Variants in MYCBP2 observed in about 807,000 individuals in gnomAD.
MYCBP2 encodes the protein MYC binding protein 2, also known as E3 ubiquitin-protein ligase MYCBP2.
A neutral mutation model predicts 525.3 loss-of-function variants in MYCBP2; 120 were observed. The ratio of observed to expected loss-of-function variants is 0.23; its 90% confidence interval spans 0.20 to 0.27. The LOEUF (loss-of-function observed/expected upper bound fraction) is 0.27, where lower values mean the gene tolerates loss of function less well. MYCBP2 is among the 10% of genes least tolerant of loss of function. The probability of loss-of-function intolerance (pLI) is 1.00; values close to 1 mark genes in which losing one functional copy is unlikely to be tolerated. For synonymous variants in MYCBP2, 1,894 were observed against 1,955.8 expected (o/e 0.97, Z 0.83); for missense variants, 4,149 against 5,657.1 (o/e 0.73, Z 8.55).
intron 52 of MYCBP2, among the ~76,000 whole-genome samples, chr13:77,137,712 C>G (rs1236844064): frequency 6.6e-6 from 1 of 152,132 alleles, no homozygotes; most frequent in Non-Finnish European, 1.5e-5. Context: ...CTTCAGCCTC[C>G]AGAGTAGCTA....
At chr13:77,268,522 G>A (rs1341409546) in intron 7 of MYCBP2, among the ~76,000 whole-genome samples, 3 of 152,178 alleles carry the variant, frequency 2.0e-5, no homozygotes, top group African/African-American at 7.2e-5. Flanking sequence ...GCTCACGCCT[G>A]TAATCCCAGC....
intron 17 of MYCBP2, among the ~76,000 whole-genome samples, chr13:77,239,334 A>G (rs146899884): frequency 6.6e-5 from 10 of 152,342 alleles, no homozygotes; most frequent in Admixed American, 6.5e-4. Context: ...TCAACAGGCC[A>G]AAGAAATAAA....
At chr13:77,217,304 C>A (rs1340354379) in intron 21 of MYCBP2, among the ~76,000 whole-genome samples, 2 of 152,082 alleles carry the variant, frequency 1.3e-5, no homozygotes, top group Non-Finnish European at 2.9e-5. Context: ...CCAAACTACA[C>A]AAAATTCTTA....
At chr13:77,139,474 G>A in intron 51 of MYCBP2, 138 bp from the exon 52 acceptor site, 1 of 883,008 alleles carries the variant, frequency 1.1e-6, no homozygotes, top group Non-Finnish European at 1.7e-6. Flanking sequence ...AAGTAAGTCT[G>A]AGAGACCCTC....
chr13:77,100,984 G>C (rs1735257755), intron 55 of MYCBP2, among the ~76,000 whole-genome samples: 1 of 152,034 alleles, frequency 6.6e-6, no homozygotes, highest in Non-Finnish European at 1.5e-5. Flanking sequence ...TACTGACCTA[G>C]TAACAGCATA....
chr13:77,249,719 C>T (rs73223421), intron 15 of MYCBP2, among the ~76,000 whole-genome samples: 3,382 of 151,984 alleles, frequency 0.022, 56 homozygotes, highest in Middle Eastern at 0.075. Context: ...ATGGAAATAG[C>T]GTTGGAGAGA....
chr13:77,261,256 G>A lies in MYCBP2; in HGVS notation c.1767C>T (p.His589=), dbSNP rs367979579. The stretch of plus-strand genomic sequence containing the variant: ...CAACTAAAAGGGCGTGAGAGCCATC[G>A]TGTCCAACTGAGAAGTGTACTATCT... ...SPKIVHFSVG[H]DGSHALLVAE... Residue 589 remains histidine, a synonymous_variant, in exon 12 of 83, where the codon CAC becomes CAT. Coordinates refer to ENST00000544440, the MANE Select transcript of MYCBP2 (RefSeq NM_015057.5). The A allele has an allele frequency of 2.7e-5, 44 of 1,613,572 alleles. No homozygotes were observed. In the East Asian group the frequency reaches 4.7e-4, roughly 17 times the overall value.
intron 36 of MYCBP2, among the ~76,000 whole-genome samples, chr13:77,175,992 GAAACA>G (rs1335317866): frequency 1.1e-3 from 163 of 142,802 alleles, no homozygotes; most frequent in African/African-American, 3.8e-3. Flanking sequence ...AAAAAATAAA[GAAACA>G]AAACAAAACA....
intron 68 of MYCBP2, among the ~76,000 whole-genome samples, chr13:77,074,160 G>A (rs1163458781): frequency 6.6e-6 from 1 of 152,026 alleles, no homozygotes; most frequent in African/African-American, 2.4e-5. Flanking sequence ...AAGACACTTT[G>A]ATGGATCAAT....
chr13:77,199,268 G>C (rs1254546999), intron 26 of MYCBP2, among the ~76,000 whole-genome samples: 1 of 152,248 alleles, frequency 6.6e-6, no homozygotes, highest in East Asian at 1.9e-4. Flanking sequence ...CCTAGTCAAA[G>C]AAAGGGGTGA....
chr13:77,207,586 T>C (rs771941131), intron 23 of MYCBP2, among the ~76,000 whole-genome samples: 4 of 152,204 alleles, frequency 2.6e-5, no homozygotes, highest in Non-Finnish European at 2.9e-5. Context: ...ATGATTAAGA[T>C]GGTAAATTTT....
intron 15 of MYCBP2, among the ~76,000 whole-genome samples, chr13:77,245,834 A>ATG (rs1233989748): frequency 7.3e-6 from 1 of 137,188 alleles, no homozygotes; most frequent in African/African-American, 2.5e-5. Flanking sequence ...ATACATATAT[A>ATG]TGTATATATA....
intron 55 of MYCBP2, among the ~76,000 whole-genome samples, chr13:77,120,913 G>A (rs1044779878): frequency 6.6e-5 from 10 of 152,044 alleles, no homozygotes; most frequent in African/African-American, 2.4e-5. Context: ...TACTGGGTTA[G>A]AAATTCAAAA....
intron 23 of MYCBP2, among the ~76,000 whole-genome samples, chr13:77,209,138 C>T (rs2063685451): frequency 6.6e-6 from 1 of 152,164 alleles, no homozygotes; most frequent in African/African-American, 2.4e-5. Context: ...TCTCTGTTTT[C>T]CAACAATGGA....
At chr13:77,114,991 C>G (rs2049468762) in intron 55 of MYCBP2, among the ~76,000 whole-genome samples, 1 of 151,828 alleles carries the variant, frequency 6.6e-6, no homozygotes, top group Non-Finnish European at 1.5e-5. Flanking sequence ...AGTATAAACC[C>G]ACAATTATCA....
chr13:77,164,905 A>G (rs1201987491), intron 42 of MYCBP2, among the ~76,000 whole-genome samples: 3 of 152,236 alleles, frequency 2.0e-5, no homozygotes, highest in South Asian at 2.1e-4. Flanking sequence ...CAGGGCAGGT[A>G]TAACTATACT....
At chr13:77,238,512 T>C (rs753342811) in intron 17 of MYCBP2, among the ~76,000 whole-genome samples, 1 of 152,186 alleles carries the variant, frequency 6.6e-6, no homozygotes, top group Non-Finnish European at 1.5e-5. Flanking sequence ...AGAATTTCAC[T>C]GAATAAGCAC....
At chr13:77,101,436 C>A (rs1479944058) in intron 55 of MYCBP2, among the ~76,000 whole-genome samples, 1 of 152,034 alleles carries the variant, frequency 6.6e-6, no homozygotes, top group Non-Finnish European at 1.5e-5. Context: ...TATGAACTTA[C>A]AATGGTAGGT....
chr13:77,223,896 C>T (rs747422444), intron 20 of MYCBP2, among the ~76,000 whole-genome samples: 6 of 150,374 alleles, frequency 4.0e-5, no homozygotes, highest in Admixed American at 6.6e-5. Context: ...GATCATGTCA[C>T]GAACTAAAAC....
Sources: gnomAD v4.1 joint callset for allele counts (sites outside exome capture counted in the v4.1 genomes callset) on GRCh38, gnomAD v4.1.1 for gene constraint, MANE v1.5 for transcripts, NCBI Gene and HGNC (gene_info 2026-07-23, HGNC 2026-07-21) for gene names.